PLEKHA8: variants seen among roughly 807,000 people sequenced by gnomAD.
The protein encoded by PLEKHA8 is pleckstrin homology domain containing A8.
Under a neutral mutation model 68.2 loss-of-function variants are expected in PLEKHA8, and 36 were observed. That is an observed-to-expected ratio of 0.53 (90% CI 0.40 to 0.70). The LOEUF (loss-of-function observed/expected upper bound fraction) is 0.70. PLEKHA8 is among the 30% of genes least tolerant of loss of function. PLEKHA8 has a pLI of 0.00. For missense variants in PLEKHA8, 505 were observed against 615.4 expected, an observed-to-expected ratio of 0.82 and a Z score of 1.90; for synonymous variants, 211 against 216.1, an observed-to-expected ratio of 0.98 and a Z score of 0.20.
downstream of PLEKHA8, chr7:30,130,249 A>G (rs1796850926): frequency 6.6e-6 from 1 of 152,218 alleles, no homozygotes. Flanking sequence ...ACAGAGAAAA[A>G]TGTTAAAACA....
chr7:30,055,945 C>CTTTT (rs530852500), intron 9 of PLEKHA8, among the ~76,000 whole-genome samples: 2 of 136,248 alleles, frequency 1.5e-5, no homozygotes, highest in African/African-American at 2.7e-5. Flanking sequence ...AACATATTTT[C>CTTTT]TTTTTTTTTT....
intron 13 of PLEKHA8, among the ~76,000 whole-genome samples, chr7:30,106,399 T>C (rs1311377021): frequency 6.6e-6 from 1 of 152,128 alleles, no homozygotes; most frequent in African/African-American, 2.4e-5. Flanking sequence ...AAGTTGTGTA[T>C]GGGATGTAAT....
At chr7:30,112,254 T>C (rs1796296540) in intron 13 of PLEKHA8, among the ~76,000 whole-genome samples, 1 of 151,502 alleles carries the variant, frequency 6.6e-6, no homozygotes, top group South Asian at 2.1e-4. Context: ...CAGTATGGGG[T>C]AGACAAAAAT....
chr7:30,035,268 TA>T (rs990731605), intron 1 of PLEKHA8, among the ~76,000 whole-genome samples: 36 of 152,316 alleles, frequency 2.4e-4, no homozygotes, highest in African/African-American at 8.2e-4. Flanking sequence ...GCAATAATAA[TA>T]GCTGTACCTA....
At chr7:30,073,964 T>G in intron 12 of PLEKHA8, 107 bp from the exon 13 acceptor site, 1 of 845,200 alleles carries the variant, frequency 1.2e-6, no homozygotes, top group Non-Finnish European at 1.8e-6. Context: ...CTAGCCTAGG[T>G]GACAGAGCAA....
intron 13 of PLEKHA8, among the ~76,000 whole-genome samples, chr7:30,104,795 T>A (rs927229911): frequency 6.8e-6 from 1 of 146,302 alleles, no homozygotes; most frequent in East Asian, 2.1e-4. Context: ...TGATCTTGGC[T>A]CACTGCAATC....
At chr7:30,043,295 G>T (rs1791682681) in intron 1 of PLEKHA8, among the ~76,000 whole-genome samples, 1 of 149,720 alleles carries the variant, frequency 6.7e-6, no homozygotes, top group Admixed American at 6.6e-5. Context: ...ACCGTGCCCT[G>T]CCAGCATCAC....
At chr7:30,095,430 T>G (rs1432039235), downstream of PLEKHA8, among the ~76,000 whole-genome samples, 4 of 152,264 alleles carry the variant, frequency 2.6e-5, no homozygotes, top group East Asian at 1.9e-4. Context: ...TATTAGCCCT[T>G]TATCAGATGA....
At chr7:30,059,527 ATGTT>A (rs1583836997) in intron 9 of PLEKHA8, among the ~76,000 whole-genome samples, 1 of 151,476 alleles carries the variant, frequency 6.6e-6, no homozygotes, top group African/African-American at 2.4e-5. Flanking sequence ...TTTTCTCTGT[ATGTT>A]CTTTGTTCCC....
chr7:30,121,093 T>C (rs187569375), intron 13 of PLEKHA8, among the ~76,000 whole-genome samples: 85 of 151,942 alleles, frequency 5.6e-4, no homozygotes, highest in South Asian at 3.9e-3. Flanking sequence ...AACCAAAGGA[T>C]ACATACTGTG....
In PLEKHA8 at chr7:30,044,131, T is replaced by C. The variant is rs183235757; in HGVS notation, c.41-954T>C. 2.6e-3 allele frequency among the ~76,000 whole-genome samples: 397 copies of C among 151,436 alleles called. 3 individuals carry two copies. Among genetic ancestry groups the C allele is most frequent in the African/African-American group, 9.1e-3 (377 of 41,232 alleles). ...AAGCGATTCTCCTGCCTCAGCCTCC[T>C]GAATAGCTGGGATTACAGGCACTTG... On this transcript the variant is annotated intron_variant, in intron 1 of 13. Transcript: ENST00000449726.
intron 1 of PLEKHA8, among the ~76,000 whole-genome samples, chr7:30,030,394 T>C (rs145711033): frequency 1.3e-5 from 2 of 152,330 alleles, no homozygotes; most frequent in African/African-American, 4.8e-5. Context: ...GCTTTTGCTG[T>C]TGTTGTTGCT....
At chr7:30,115,148 G>C (rs1335743837) in intron 13 of PLEKHA8, among the ~76,000 whole-genome samples, 2 of 152,106 alleles carry the variant, frequency 1.3e-5, no homozygotes, top group Non-Finnish European at 2.9e-5. Flanking sequence ...GTTCATTCAT[G>C]CATTTAAAAT....
Position 30,080,748 on chromosome 7 carries a change from G to C in PLEKHA8, c.*1961G>C. 1 of 985,272 alleles carries C rather than the reference G, an allele frequency of 1.0e-6. No homozygotes were observed. The highest frequency in any genetic ancestry group is 1.2e-6 in the Non-Finnish European group (1 of 829,864). 61.0% of individuals were successfully genotyped at this position (985,272 alleles called of 1,614,324 possible). On this transcript the variant is annotated 3_prime_UTR_variant, in exon 14 of 14. Coordinates refer to ENST00000449726, the MANE Select transcript of PLEKHA8 (RefSeq NM_001197026.2). Reference sequence around the variant, plus strand: ...TGTTATTTCCCTCCCACTCTCATGAGCAGTGAGTATAGATCTCCTTCTCTG... The same window carrying C: ...TGTTATTTCCCTCCCACTCTCATGACCAGTGAGTATAGATCTCCTTCTCTG...
intron 3 of PLEKHA8, 106 bp downstream of exon 3, chr7:30,046,471 G>A (rs1791971644): frequency 1.6e-6 from 2 of 1,282,668 alleles, no homozygotes; most frequent in African/African-American, 3.0e-5. Context: ...CCAGCTTTTT[G>A]TGTCATGCAA....
At chr7:30,054,387 T>C (rs976711960) in intron 7 of PLEKHA8, among the ~76,000 whole-genome samples, 5 of 152,202 alleles carry the variant, frequency 3.3e-5, no homozygotes, top group Non-Finnish European at 7.3e-5. Context: ...GTATTTATAA[T>C]TGTAAAATTT....
intron 12 of PLEKHA8, among the ~76,000 whole-genome samples, chr7:30,070,265 A>C (rs1794148352): frequency 1.3e-5 from 2 of 152,066 alleles, no homozygotes; most frequent in African/African-American, 4.8e-5. Context: ...TGCCAGGTGG[A>C]ACTCTCCTTT....
rs59606022 is a variant in PLEKHA8, at chr7:30,112,714, G to GAA, written c.1363-16541_1363-16540dup. On this transcript the variant is annotated intron_variant, in intron 13 of 13. Coordinates refer to the PLEKHA8 transcript ENST00000396257. ...TGGGTGACAGACCCAGACCCAGTCT[G>GAA]AAAAAAAAAAAAGCCCATCTCTATA... is the stretch of plus-strand genomic sequence containing the variant. Among the ~76,000 whole-genome samples, 37 of 138,064 alleles carry GAA rather than the reference G, an allele frequency of 2.7e-4. No individual in the cohort carries two copies. In the East Asian group the frequency reaches 4.9e-3, roughly 18 times the overall value. 90.6% of individuals were successfully genotyped at this position (138,064 alleles called of 152,430 possible). A position where few individuals can be genotyped will look rare whatever the true frequency, so the allele number is the denominator to read the frequency against.
At chr7:30,062,068 A>G in intron 11 of PLEKHA8, 41 bp downstream of exon 11, 3 of 1,539,128 alleles carry the variant, frequency 1.9e-6, no homozygotes, top group African/African-American at 1.4e-5. Flanking sequence ...AATCTAGCTC[A>G]AAAAAAATTA....
Sources: allele counts gnomAD v4.1 joint callset (sites outside exome capture counted in the v4.1 genomes callset), GRCh38; gene constraint gnomAD v4.1.1; transcripts MANE v1.5; gene names NCBI Gene and HGNC (gene_info 2026-07-23, HGNC 2026-07-21).